The following MTMR7 variants were observed in gnomAD, a reference collection of about 807,000 sequenced individuals.
MTMR7 encodes phosphatidylinositol-3-phosphate phosphatase MTMR7.
Under a neutral mutation model 81.2 loss-of-function variants are expected in MTMR7, and 76 were observed. The ratio of observed to expected loss-of-function variants is 0.94; its 90% CI spans 0.78 to 1.13. MTMR7 has a LOEUF of 1.13. Ranked by LOEUF, MTMR7 falls within the 50% of genes most tolerant of loss-of-function variation. The probability of loss-of-function intolerance (pLI) is 0.00; values close to 1 mark genes in which losing one functional copy is unlikely to be tolerated. For synonymous variants in MTMR7, 372 were observed against 289.8 expected, an observed-to-expected ratio of 1.28 and a Z score of -2.88; for missense variants, 1,044 against 820.0, an observed-to-expected ratio of 1.27 and a Z score of -3.34.
At chr8:17,335,359 G>T (rs994877824) in intron 6 of MTMR7, among the ~76,000 whole-genome samples, 2 of 152,174 alleles carry the variant, frequency 1.3e-5, no homozygotes, top group South Asian at 4.1e-4. Context: ...GGCCCGGGGA[G>T]AGCAGGCCAA....
rs186492350 is a variant in MTMR7 at position 17,341,346 on chromosome 8, G to A, written c.732+17C>T. The A allele has an allele frequency of 7.2e-5, 116 of 1,613,298 alleles. 1 individual carries two copies. The African/African-American group carries it at 8.8e-4, about 12-fold the overall frequency. The stretch of plus-strand genomic sequence containing the variant: ...CAACTCAGGTGCAAAGACATGCATC[G>A]CAACGGTGACACTTACTTTAGGCCG... On this transcript the variant is annotated intron_variant, in intron 6 of 13. Transcript: ENST00000180173.
At chr8:17,313,231 C>G (rs10096063) in intron 8 of MTMR7, 61 bp downstream of exon 8, 171,993 of 1,255,442 alleles carry the variant, frequency 0.14, 15,777 homozygotes, top group East Asian at 0.33. Context: ...GAGGGATACC[C>G]ATTTTGAAGT....
rs145213674 is a variant in MTMR7, at chr8:17,335,630, G to A, written c.733-4348C>T. Among the ~76,000 whole-genome samples, 103 of 152,250 alleles carry A rather than the reference G, an allele frequency of 6.8e-4. 1 individual carries two copies. The East Asian group carries it at 0.015, about 22-fold the overall frequency. The stretch of plus-strand genomic sequence containing the variant: ...GCCCTAACACAGGTGGTCAAATGAC[G>A]GTCTTTCTCTCTCCCTCCTATATAA... On this transcript the variant is annotated intron_variant, in intron 6 of 13. Transcript: ENST00000180173.
At chr8:17,345,003 T>TAGCAA (rs1448594510) in intron 5 of MTMR7, among the ~76,000 whole-genome samples, 1 of 152,098 alleles carries the variant, frequency 6.6e-6, no homozygotes, top group Non-Finnish European at 1.5e-5. Context: ...ACAAAGGCTA[T>TAGCAA]AGCAATTCTA....
At chr8:17,349,128 C>T in intron 4 of MTMR7, 47 bp from the exon 5 acceptor site, 1 of 1,590,134 alleles carries the variant, frequency 6.3e-7, no homozygotes, top group Admixed American at 1.7e-5. Context: ...CTAGTAATGC[C>T]CTGCGAACTG....
intron 5 of MTMR7, among the ~76,000 whole-genome samples, chr8:17,346,744 A>G (rs1385627223): frequency 1.3e-5 from 2 of 151,406 alleles, no homozygotes; most frequent in African/African-American, 4.9e-5. Flanking sequence ...ACAATAAAAG[A>G]TCGTTTCTCC....
chr8:17,304,109 TA>T (rs1477820440), intron 12 of MTMR7, among the ~76,000 whole-genome samples: 1 of 152,196 alleles, frequency 6.6e-6, no homozygotes, highest in Non-Finnish European at 1.5e-5. Flanking sequence ...CATTTGCTTT[TA>T]AAAAAATAAA....
chr8:17,331,271 C>CA lies in MTMR7; in HGVS notation c.743dup (p.Met248IlefsTer11). On this transcript the variant is annotated frameshift_variant, in exon 7 of 14. Transcript: ENST00000180173. LOFTEE classifies it high-confidence loss of function. ...AGCCTTTCCCTGCAGCACGATTTGC[C>CA]ATTGCATTAAGCTGCAGTGGTCAGC... 1 of 1,606,424 alleles carries CA rather than the reference C, an allele frequency of 6.2e-7. No homozygotes were observed. The highest frequency in any genetic ancestry group is 8.5e-7 in the Non-Finnish European group (1 of 1,177,706).
chr8:17,316,841 G>GTGGA (rs1416960834), intron 7 of MTMR7, among the ~76,000 whole-genome samples: 37 of 152,012 alleles, frequency 2.4e-4, no homozygotes, highest in Non-Finnish European at 5.9e-5. Flanking sequence ...TTCTGCGTGT[G>GTGGA]TGGATTTGAG....
intron 3 of MTMR7, among the ~76,000 whole-genome samples, chr8:17,364,395 T>C (rs1345108940): frequency 6.6e-6 from 1 of 152,244 alleles, no homozygotes; most frequent in Non-Finnish European, 1.5e-5. Context: ...AATTAACATA[T>C]ACATTGCCTC....
intron 5 of MTMR7, among the ~76,000 whole-genome samples, chr8:17,347,076 C>T (rs938050075): frequency 3.3e-5 from 5 of 151,460 alleles, no homozygotes; most frequent in African/African-American, 9.7e-5. Flanking sequence ...CACGCGTGGT[C>T]CCAGTGACTC....
rs577867439 is a variant in MTMR7 at position 17,307,442 on chromosome 8, T to C, written c.1152-1485A>G. Reference sequence around the variant, plus strand: ...AACACTTTTACACTGTTGGTGGGACTGTAAACTAGTTCAACCATTGTGGAA... The same window carrying C: ...AACACTTTTACACTGTTGGTGGGACCGTAAACTAGTTCAACCATTGTGGAA... On this transcript the variant is annotated intron_variant, in intron 10 of 13. Transcript: ENST00000180173. 7.9e-5 allele frequency among the ~76,000 whole-genome samples: 12 copies of C among 152,302 alleles called. 1 individual carries two copies. The highest frequency in any genetic ancestry group is 2.2e-4 in the African/African-American group (9 of 41,548).
At chr8:17,397,500 G>A (rs533405077) in intron 1 of MTMR7, among the ~76,000 whole-genome samples, 1 of 152,306 alleles carries the variant, frequency 6.6e-6, no homozygotes, top group Non-Finnish European at 1.5e-5. Flanking sequence ...AGAAAGGAGA[G>A]GGAAGAGCAG....
rs1816682589 is a variant in MTMR7 at position 17,296,833 on chromosome 8, A to C, written c.*3029T>G. On this transcript the variant is annotated 3_prime_UTR_variant, in exon 14 of 14. Coordinates refer to ENST00000180173, the MANE Select transcript of MTMR7 (RefSeq NM_004686.5). ...GTTTTTTATTCTTTAAAGTTGAACT[A>C]TCCCAGTTTCATTCTATACCATTCA... is the stretch of plus-strand genomic sequence containing the variant. 1 of 152,202 alleles carries C rather than the reference A, an allele frequency of 6.6e-6. No individual in the cohort carries two copies. Among genetic ancestry groups the C allele is most frequent in the Non-Finnish European group, 1.5e-5 (1 of 68,028 alleles). 9.4% of individuals were successfully genotyped at this position (152,202 alleles called of 1,614,324 possible). A position where few individuals can be genotyped will look rare whatever the true frequency, so the allele number is the denominator to read the frequency against.
At chr8:17,341,591 T>C in intron 5 of MTMR7, 94 bp from the exon 6 acceptor site, 1 of 1,420,716 alleles carries the variant, frequency 7.0e-7, no homozygotes, top group Non-Finnish European at 9.5e-7. Flanking sequence ...AGCCCTTGGC[T>C]CACTGATAGT....
At chr8:17,300,319 GTA>G in intron 13 of MTMR7, 95 bp from the exon 14 acceptor site, 1 of 1,309,244 alleles carries the variant, frequency 7.6e-7, no homozygotes, top group Non-Finnish European at 1.0e-6. Flanking sequence ...TCCCACGTGG[GTA>G]TAATGTTAAG....
intron 13 of MTMR7, among the ~76,000 whole-genome samples, chr8:17,301,354 G>A (rs2150458379): frequency 6.6e-6 from 1 of 152,302 alleles, no homozygotes; most frequent in South Asian, 2.1e-4. Context: ...ATTTTAACAG[G>A]ACTGTGAAAG....
chr8:17,327,065 T>G (rs1818717915), intron 7 of MTMR7, among the ~76,000 whole-genome samples: 1 of 152,192 alleles, frequency 6.6e-6, no homozygotes, highest in South Asian at 2.1e-4. Context: ...GCAAGCAATT[T>G]TACGACCTGA....
At chr8:17,308,137 G>A (rs1055346564) in intron 10 of MTMR7, among the ~76,000 whole-genome samples, 1 of 151,828 alleles carries the variant, frequency 6.6e-6, no homozygotes, top group African/African-American at 2.4e-5. Flanking sequence ...AGTCTTTTAT[G>A]GCTTCAGAAT....
Sources: gnomAD v4.1 joint callset for allele counts (sites outside exome capture counted in the v4.1 genomes callset) on GRCh38, gnomAD v4.1.1 for gene constraint, MANE v1.5 for transcripts, NCBI Gene and HGNC (gene_info 2026-07-23, HGNC 2026-07-21) for gene names.